MICAL3: variants seen among roughly 807,000 people sequenced by gnomAD.
The protein encoded by MICAL3 is [F-actin]-monooxygenase MICAL3.
MICAL3 carries 62 observed loss-of-function variants against 207.4 expected under a neutral mutation model. That is an observed-to-expected ratio of 0.30 (90% confidence interval 0.24 to 0.37). The LOEUF is 0.37. MICAL3 is among the 10% of genes least tolerant of loss of function. The pLI is 1.00. For synonymous variants in MICAL3, 1,077 were observed against 1,069.3 expected, an observed-to-expected ratio of 1.01 and a Z score of -0.14; for missense variants, 2,368 against 2,635.6, an observed-to-expected ratio of 0.90 and a Z score of 2.22.
intron 15 of MICAL3, 47 bp downstream of exon 15, chr22:17,887,123 G>T: frequency 6.9e-7 from 1 of 1,448,984 alleles, no homozygotes; most frequent in Non-Finnish European, 9.7e-7. Context: ...TAACCAAAAG[G>T]GGCTATTCCA....
Position 17,999,137 on chromosome 22 carries a change from C to T in MICAL3, c.-75+25144G>A, listed in dbSNP as rs139074084. On this transcript the variant is annotated intron_variant, in intron 1 of 31. Transcript: ENST00000441493. ...AATTAGGTAATTCATCTGGTTCCAC[C>T]TGGACATGTGAAACCAACGACAACC... 6.6e-5 allele frequency among the ~76,000 whole-genome samples: 10 copies of T among 152,250 alleles called. No homozygotes were observed. In the East Asian group the frequency reaches 1.9e-3, roughly 29 times the overall value.
Position 17,881,062 on chromosome 22 carries a change from A to G in MICAL3, c.2241+4816T>C, listed in dbSNP as rs199881568. ...CCTGAGGGCCATAAAAGTTGCTTCCACCACAAACGGTTTCTACGCATAGCC... is the reference window on the plus strand; with the variant it reads ...CCTGAGGGCCATAAAAGTTGCTTCCGCCACAAACGGTTTCTACGCATAGCC... On this transcript the variant is annotated intron_variant, in intron 16 of 31. Transcript: ENST00000441493. 79 of 739,638 alleles carry G rather than the reference A, an allele frequency of 1.1e-4. 1 individual carries two copies. The East Asian group carries it at 2.2e-3, about 20-fold the overall frequency. The allele number at this position is 739,638 out of a possible 1,614,324, so 45.8% of individuals were successfully genotyped here. A position where few individuals can be genotyped will look rare whatever the true frequency, so the allele number is the denominator to read the frequency against.
intron 19 of MICAL3, among the ~76,000 whole-genome samples, chr22:17,844,861 T>C (rs944899181): frequency 6.6e-6 from 1 of 152,178 alleles, no homozygotes; most frequent in African/African-American, 2.4e-5. Flanking sequence ...GCAATCCTGA[T>C]AGATCCGGCC....
chr22:17,831,649 G>C (rs1922818253), intron 21 of MICAL3, among the ~76,000 whole-genome samples: 1 of 152,180 alleles, frequency 6.6e-6, no homozygotes, highest in African/African-American at 2.4e-5. Flanking sequence ...GTGCACAAGG[G>C]ACATTACTTC....
intron 20 of MICAL3, among the ~76,000 whole-genome samples, chr22:17,838,316 C>A (rs1923616675): frequency 6.6e-6 from 1 of 152,202 alleles, no homozygotes; most frequent in Non-Finnish European, 1.5e-5. Context: ...CTGGGTGACT[C>A]TGGCATGGGA....
At chr22:17,876,736 TTATGGAGGTTAGGGAGGTTAA>T (rs1569108863) in intron 16 of MICAL3, 3 of 149,368 alleles carry the variant, frequency 2.0e-5, no homozygotes, top group African/African-American at 7.6e-5. Context: ...GTTAGGGAGC[TTATGGAGGTTAGGGAGGTTAA>T]GGAGGTTAGG....
At chr22:17,904,035 G>C (rs191477638) in intron 3 of MICAL3, among the ~76,000 whole-genome samples, 65 of 152,326 alleles carry the variant, frequency 4.3e-4, no homozygotes, top group Admixed American at 1.1e-3. Context: ...AAAGGCCCGG[G>C]CTGAGCTTAG....
At chr22:17,882,362 C>A (rs1200057789) in intron 16 of MICAL3, among the ~76,000 whole-genome samples, 1 of 152,200 alleles carries the variant, frequency 6.6e-6, no homozygotes, top group Non-Finnish European at 1.5e-5. Flanking sequence ...GCCCTCCTGC[C>A]TCTGAACCAC....
rs2061815844 is a variant in MICAL3, at chr22:17,790,632, AAGG to A, written c.*97_*99del. On this transcript the variant is annotated 3_prime_UTR_variant, in exon 32 of 32. Coordinates refer to ENST00000441493, the MANE Select transcript of MICAL3 (RefSeq NM_015241.3). ...ACACGGGCATCTGAGCGTAAACTCCAAGGAGGTGCCAGGCCTCCTCAGATCGCG... is the reference window on the plus strand; with the variant it reads ...ACACGGGCATCTGAGCGTAAACTCCAAGGTGCCAGGCCTCCTCAGATCGCG... 3.6e-6 allele frequency: 4 copies of A among 1,115,588 alleles called. No individual in the cohort carries two copies. Among genetic ancestry groups the A allele is most frequent in the Non-Finnish European group, 5.1e-6 (4 of 790,594 alleles). 69.1% of individuals were successfully genotyped at this position (1,115,588 alleles called of 1,614,324 possible). A position where few individuals can be genotyped will look rare whatever the true frequency, so the allele number is the denominator to read the frequency against.
At chr22:17,898,193 T>C (rs934494390) in intron 7 of MICAL3, among the ~76,000 whole-genome samples, 1 of 152,156 alleles carries the variant, frequency 6.6e-6, no homozygotes, top group Non-Finnish European at 1.5e-5. Context: ...ACAACCACAG[T>C]TCTGCCTGCG....
chr22:17,826,420 G>T, intron 22 of MICAL3: 11 of 980,790 alleles, frequency 1.1e-5, no homozygotes, highest in Non-Finnish European at 1.3e-5. Context: ...AGAGGTTACG[G>T]TGAGTGGGGA....
At chr22:17,958,797 G>A (rs5747435) in intron 1 of MICAL3, among the ~76,000 whole-genome samples, 36,071 of 150,816 alleles carry the variant, frequency 0.24, 4,879 homozygotes, top group East Asian at 0.52. Flanking sequence ...TCCACCTCCC[G>A]GGTTCAGGTG....
intron 1 of MICAL3, among the ~76,000 whole-genome samples, chr22:17,977,997 G>T (rs1935733432): frequency 6.6e-6 from 1 of 152,048 alleles, no homozygotes; most frequent in South Asian, 2.1e-4. Flanking sequence ...ACTCCAGCCT[G>T]CGCAACAAGA....
chr22:17,824,107 C>T (rs737830), intron 22 of MICAL3, among the ~76,000 whole-genome samples: 5,833 of 152,280 alleles, frequency 0.038, 179 homozygotes, highest in African/African-American at 0.085. Context: ...CCACCTCCCA[C>T]ACTCCGAACT....
At chr22:17,858,873 G>C (rs186515763) in intron 19 of MICAL3, among the ~76,000 whole-genome samples, 78 of 152,322 alleles carry the variant, frequency 5.1e-4, no homozygotes, top group African/African-American at 1.8e-3. Flanking sequence ...GGATGGGCAG[G>C]CAACAGCAGC....
intron 19 of MICAL3, chr22:17,861,590 G>A (rs1794340165): frequency 1.0e-6 from 1 of 985,252 alleles, no homozygotes; most frequent in Non-Finnish European, 1.2e-6. Context: ...ATGTCCAAGG[G>A]GAAAATAATC....
At chr22:17,820,634 G>A (rs779049627) in intron 25 of MICAL3, among the ~76,000 whole-genome samples, 4 of 152,110 alleles carry the variant, frequency 2.6e-5, no homozygotes, top group Non-Finnish European at 5.9e-5. Context: ...GATTACAGGC[G>A]TGAGCCACCG....
intron 22 of MICAL3, 51 bp downstream of exon 22, chr22:17,827,593 C>A: frequency 6.7e-7 from 1 of 1,497,644 alleles, no homozygotes; most frequent in Non-Finnish European, 9.0e-7. Context: ...ACAGAGGCAG[C>A]AGGCGGGTGG....
At chr22:17,941,246 A>G (rs1411455634) in intron 1 of MICAL3, among the ~76,000 whole-genome samples, 1 of 152,208 alleles carries the variant, frequency 6.6e-6, no homozygotes, top group Non-Finnish European at 1.5e-5. Flanking sequence ...CCCTGCCCAA[A>G]GAGATTCCAT....
Sources: gnomAD v4.1 joint callset for allele counts (sites outside exome capture counted in the v4.1 genomes callset) on GRCh38, gnomAD v4.1.1 for gene constraint, MANE v1.5 for transcripts, NCBI Gene and HGNC (gene_info 2026-07-23, HGNC 2026-07-21) for gene names.